HS3ST4: variants seen among roughly 807,000 people sequenced by gnomAD.
The protein encoded by HS3ST4 is heparan sulfate-glucosamine 3-sulfotransferase 4.
HS3ST4 carries 17 observed loss-of-function variants against 29.2 expected under a neutral mutation model. The observed-to-expected ratio is 0.58, with a 90% CI of 0.40 to 0.87. HS3ST4 has a LOEUF of 0.87. HS3ST4 is among the 40% of genes least tolerant of loss of function. The pLI is 0.00. For missense variants in HS3ST4, 627 were observed against 634.5 expected (o/e 0.99, Z 0.13); for synonymous variants, 314 against 285.7 (o/e 1.10, Z -1.00).
chr16:25,975,116 A>G (rs1968931163), intron 1 of HS3ST4, among the ~76,000 whole-genome samples: 1 of 152,168 alleles, frequency 6.6e-6, no homozygotes, highest in South Asian at 2.1e-4. Context: ...AGCTGTAAAA[A>G]AGAATGAAAT....
intron 1 of HS3ST4, among the ~76,000 whole-genome samples, chr16:26,010,948 G>C (rs1437549139): frequency 6.6e-6 from 1 of 152,158 alleles, no homozygotes; most frequent in Non-Finnish European, 1.5e-5. Context: ...AATGACAATA[G>C]CTACTCTCTC....
At chr16:25,980,511 G>A (rs902362004) in intron 1 of HS3ST4, among the ~76,000 whole-genome samples, 1 of 152,178 alleles carries the variant, frequency 6.6e-6, no homozygotes, top group African/African-American at 2.4e-5. Flanking sequence ...AGCTACGGCT[G>A]TATTCTCCAT....
chr16:26,109,819 A>G (rs574450095), intron 1 of HS3ST4, among the ~76,000 whole-genome samples: 19 of 152,248 alleles, frequency 1.2e-4, no homozygotes, highest in African/African-American at 4.1e-4. Flanking sequence ...ATCACATACA[A>G]TGTAATTCAA....
intron 1 of HS3ST4, among the ~76,000 whole-genome samples, chr16:25,758,492 C>T (rs1426795943): frequency 6.6e-6 from 1 of 152,140 alleles, no homozygotes; most frequent in East Asian, 1.9e-4. Context: ...GTGGGTGTAA[C>T]TGTCTGGGGC....
intron 1 of HS3ST4, among the ~76,000 whole-genome samples, chr16:26,088,690 G>A (rs1898818328): frequency 6.6e-6 from 1 of 152,160 alleles, no homozygotes. Context: ...GCTGTTCATT[G>A]CAAACCAACA....
chr16:25,704,879 C>CA (rs775823722), intron 1 of HS3ST4, among the ~76,000 whole-genome samples: 3,695 of 122,440 alleles, frequency 0.03, 73 homozygotes, highest in South Asian at 0.048. Context: ...AACTCCATCT[C>CA]AAAAAAAAAA....
chr16:25,718,047 A>G (rs11865965), intron 1 of HS3ST4, among the ~76,000 whole-genome samples: 114,313 of 152,036 alleles, frequency 0.75, 43,861 homozygotes, highest in East Asian at 0.87. Context: ...AGGAACTCCT[A>G]GGTTTGTGGC....
intron 1 of HS3ST4, among the ~76,000 whole-genome samples, chr16:25,707,281 A>G (rs1046749771): frequency 1.3e-5 from 2 of 152,242 alleles, no homozygotes; most frequent in African/African-American, 4.8e-5. Flanking sequence ...GGGTAAGAAT[A>G]GTAAAATAAA....
chr16:26,050,460 A>G (rs150129045), intron 1 of HS3ST4, among the ~76,000 whole-genome samples: 9 of 152,310 alleles, frequency 5.9e-5, no homozygotes, highest in South Asian at 2.1e-4. Context: ...ACTCTTAGGT[A>G]TGAATTACAT....
chr16:26,023,407 A>T (rs1428014448), intron 1 of HS3ST4, among the ~76,000 whole-genome samples: 4 of 149,586 alleles, frequency 2.7e-5, no homozygotes, highest in South Asian at 4.2e-4. Flanking sequence ...ACTGTCTTAA[A>T]TTTTTTTTTT....
At chr16:25,830,568 G>A (rs1195928962) in intron 1 of HS3ST4, among the ~76,000 whole-genome samples, 1 of 152,166 alleles carries the variant, frequency 6.6e-6, no homozygotes, top group East Asian at 1.9e-4. Context: ...TGTCGCCAGT[G>A]TCCCCAGTGT....
At chr16:25,732,407 T>C (rs752754382) in intron 1 of HS3ST4, among the ~76,000 whole-genome samples, 2 of 152,236 alleles carry the variant, frequency 1.3e-5, no homozygotes, top group Non-Finnish European at 1.5e-5. Context: ...CACGTTGATA[T>C]GCCATCTCCG....
chr16:25,962,088 A>G (rs567247797), intron 1 of HS3ST4, among the ~76,000 whole-genome samples: 4 of 152,324 alleles, frequency 2.6e-5, no homozygotes, highest in African/African-American at 9.6e-5. Flanking sequence ...GAAATTGCAG[A>G]CAAGTAGGCC....
At chr16:26,082,254 A>G (rs1440928390) in intron 1 of HS3ST4, among the ~76,000 whole-genome samples, 2 of 152,072 alleles carry the variant, frequency 1.3e-5, no homozygotes, top group Non-Finnish European at 1.5e-5. Flanking sequence ...GACTACAACC[A>G]TTCTTCAAAG....
chr16:26,097,750 A>C (rs898743150), intron 1 of HS3ST4, among the ~76,000 whole-genome samples: 3 of 152,236 alleles, frequency 2.0e-5, no homozygotes, highest in African/African-American at 7.2e-5. Context: ...AATTAAACTA[A>C]AGAGCTTCTG....
intron 1 of HS3ST4, among the ~76,000 whole-genome samples, chr16:26,115,266 TACACACAC>T (rs140596443): frequency 4.0e-5 from 6 of 148,578 alleles, no homozygotes; most frequent in Admixed American, 3.3e-4. Context: ...TACATATATA[TACACACAC>T]ACACACACAC....
At chr16:25,890,537 G>A (rs1596604350) in intron 1 of HS3ST4, among the ~76,000 whole-genome samples, 1 of 152,176 alleles carries the variant, frequency 6.6e-6, no homozygotes, top group African/African-American at 2.4e-5. Context: ...GCAAGGAAGG[G>A]AAATTTAGAC....
At chr16:26,000,762 G>A (rs1259038409) in intron 1 of HS3ST4, among the ~76,000 whole-genome samples, 3 of 152,154 alleles carry the variant, frequency 2.0e-5, no homozygotes, top group African/African-American at 7.2e-5. Flanking sequence ...GGCATTGAAT[G>A]CCACATTGTA....
chr16:26,005,979 A>C (rs1430809386), intron 1 of HS3ST4, among the ~76,000 whole-genome samples: 1 of 152,094 alleles, frequency 6.6e-6, no homozygotes, highest in Non-Finnish European at 1.5e-5. Context: ...GGAAAATCAC[A>C]ACTGGTTGAG....
Sources: allele counts gnomAD v4.1 joint callset (sites outside exome capture counted in the v4.1 genomes callset), GRCh38; gene constraint gnomAD v4.1.1; transcripts MANE v1.5; gene names NCBI Gene and HGNC (gene_info 2026-07-23, HGNC 2026-07-21).